Variants in RPS6KC1 observed in about 807,000 individuals in gnomAD.
RPS6KC1 encodes ribosomal protein S6 kinase C1, also known as inactive ribosomal protein S6 kinase delta-1.
In RPS6KC1, 54 loss-of-function variants were observed where a neutral mutation model predicts 103.8. The observed-to-expected ratio is 0.52, with a 90% CI of 0.42 to 0.65. The LOEUF is 0.65. Among genes scored for constraint, RPS6KC1 ranks in the 30% least tolerant of loss-of-function variants. RPS6KC1 has a pLI of 0.00. For missense variants in RPS6KC1, 1,151 were observed against 1,253.8 expected, an observed-to-expected ratio of 0.92 and a Z score of 1.24; for synonymous variants, 439 against 438.7, an observed-to-expected ratio of 1.00 and a Z score of -0.01.
At chr1:213,370,024 G>T in the RPS6KC1 span, among the ~76,000 whole-genome samples, 1 of 152,236 alleles carries the variant, frequency 6.6e-6, no homozygotes, top group East Asian at 1.9e-4. Context: ...ACTCACTATG[G>T]TGCCTGTGTT....
the RPS6KC1 span, among the ~76,000 whole-genome samples, chr1:213,662,428 A>ATTTTTTTTTTT: frequency 1.1e-3 from 129 of 120,862 alleles, no homozygotes; most frequent in African/African-American, 2.3e-3. Flanking sequence ...CACCTGGCTA[A>ATTTTTTTTTTT]TTTTTTTTTT....
chr1:213,614,841 A>G, the RPS6KC1 span, among the ~76,000 whole-genome samples: 1 of 152,166 alleles, frequency 6.6e-6, no homozygotes, highest in Non-Finnish European at 1.5e-5. Flanking sequence ...GATCCACAGG[A>G]GGAGATGCAT....
chr1:213,216,292 G>A (rs140805671), intron 8 of RPS6KC1, among the ~76,000 whole-genome samples: 1,754 of 152,258 alleles, frequency 0.012, 33 homozygotes, highest in African/African-American at 0.04. Flanking sequence ...ATTACATAAT[G>A]GTAAAGGGAT....
the RPS6KC1 span, among the ~76,000 whole-genome samples, chr1:213,564,792 T>C: frequency 6.6e-6 from 1 of 152,260 alleles, no homozygotes; most frequent in African/African-American, 2.4e-5. Flanking sequence ...TATGGTTTGC[T>C]TTGCCCAGTT....
At chr1:213,355,446 G>A in the RPS6KC1 span, among the ~76,000 whole-genome samples, 2 of 152,134 alleles carry the variant, frequency 1.3e-5, no homozygotes, top group Non-Finnish European at 2.9e-5. Flanking sequence ...ACACTAGCAC[G>A]GGCACGGGGC....
At chr1:213,547,155 A>G in the RPS6KC1 span, among the ~76,000 whole-genome samples, 2 of 152,202 alleles carry the variant, frequency 1.3e-5, no homozygotes, top group Admixed American at 1.3e-4. Flanking sequence ...TCATCACATC[A>G]TATTAAAGGT....
the RPS6KC1 span, among the ~76,000 whole-genome samples, chr1:213,693,436 T>A: frequency 2.0e-5 from 3 of 152,298 alleles, no homozygotes; most frequent in Non-Finnish European, 2.9e-5. Context: ...TCCTTCAAGG[T>A]GGGAAATTTG....
chr1:213,807,386 G>C, the RPS6KC1 span, among the ~76,000 whole-genome samples: 1 of 152,270 alleles, frequency 6.6e-6, no homozygotes, highest in South Asian at 2.1e-4. Context: ...TTCCAACTTG[G>C]TTCCATTCTC....
intron 6 of RPS6KC1, among the ~76,000 whole-genome samples, chr1:213,145,967 G>GTTTTTTT (rs71573864): frequency 7.9e-4 from 38 of 47,830 alleles, no homozygotes; most frequent in African/African-American, 1.6e-3. Flanking sequence ...CATTCATTCT[G>GTTTTTTT]TTTTTTTTTT....
the RPS6KC1 span, among the ~76,000 whole-genome samples, chr1:213,572,726 G>A: frequency 6.6e-6 from 1 of 152,196 alleles, no homozygotes; most frequent in South Asian, 2.1e-4. Flanking sequence ...TGGGGCCGTT[G>A]TGACAGGAGA....
chr1:213,400,592 G>T, the RPS6KC1 span, among the ~76,000 whole-genome samples: 3 of 152,210 alleles, frequency 2.0e-5, no homozygotes, highest in African/African-American at 4.8e-5. Flanking sequence ...CTTGCGCAAG[G>T]TCCTACTAAT....
chr1:213,309,101 C>T, the RPS6KC1 span, among the ~76,000 whole-genome samples: 1 of 151,914 alleles, frequency 6.6e-6, no homozygotes, highest in African/African-American at 2.4e-5. Context: ...ACCAGCCTGG[C>T]CAATATGGTG....
At chr1:213,857,770 G>A in the RPS6KC1 span, among the ~76,000 whole-genome samples, 1 of 152,138 alleles carries the variant, frequency 6.6e-6, no homozygotes, top group African/African-American at 2.4e-5. Flanking sequence ...TCCTGCTTGG[G>A]CAGCATCTGG....
At chr1:213,743,032 C>T in the RPS6KC1 span, among the ~76,000 whole-genome samples, 1 of 152,216 alleles carries the variant, frequency 6.6e-6, no homozygotes, top group East Asian at 1.9e-4. Flanking sequence ...AATCCCATTA[C>T]TGGGTATATA....
At chr1:213,534,417 T>C in the RPS6KC1 span, among the ~76,000 whole-genome samples, 1 of 152,242 alleles carries the variant, frequency 6.6e-6, no homozygotes, top group African/African-American at 2.4e-5. Flanking sequence ...TTGGTGTTCA[T>C]CCTCATTTGA....
the RPS6KC1 span, among the ~76,000 whole-genome samples, chr1:213,489,396 A>G: frequency 1.3e-5 from 2 of 152,194 alleles, no homozygotes; most frequent in Non-Finnish European, 2.9e-5. Context: ...GGGCAGGGAC[A>G]TAACGCTTAG....
chr1:213,293,574 A>G, the RPS6KC1 span, among the ~76,000 whole-genome samples: 1 of 152,122 alleles, frequency 6.6e-6, no homozygotes, highest in African/African-American at 2.4e-5. Flanking sequence ...CTTTTTTTAA[A>G]GTAAAGTTTC....
At chr1:213,334,137 A>G in the RPS6KC1 span, among the ~76,000 whole-genome samples, 1 of 152,210 alleles carries the variant, frequency 6.6e-6, no homozygotes, top group African/African-American at 2.4e-5. Context: ...TACTGAGGTC[A>G]GGCCCATGTT....
At chr1:213,602,028 C>CTTTCTTTCTTTCTTTCTT in the RPS6KC1 span, among the ~76,000 whole-genome samples, 20 of 11,898 alleles carry the variant, frequency 1.7e-3, 6 homozygotes, top group Admixed American at 4.8e-3. Flanking sequence ...TTCTTTCTTT[C>CTTTCTTTCTTTCTTTCTT]TCTTTCTCTT....
Sources: gnomAD v4.1 joint callset for allele counts (sites outside exome capture counted in the v4.1 genomes callset) on GRCh38, gnomAD v4.1.1 for gene constraint, MANE v1.5 for transcripts, NCBI Gene and HGNC (gene_info 2026-07-23, HGNC 2026-07-21) for gene names.